The following SCD variants were observed in gnomAD, a reference collection of about 807,000 sequenced individuals.
The protein encoded by SCD is stearoyl-CoA desaturase, also known as acyl-CoA desaturase.
A neutral mutation model predicts 35.7 loss-of-function variants in SCD; 4 were observed. The observed-to-expected ratio is 0.11, with a 90% CI of 0.06 to 0.26. The LOEUF (loss-of-function observed/expected upper bound fraction) is 0.26. Among genes scored for constraint, SCD ranks in the 10% least tolerant of loss-of-function variants. The probability of loss-of-function intolerance (pLI) is 1.00; values close to 1 mark genes in which losing one functional copy is unlikely to be tolerated. For synonymous variants in SCD, 150 were observed against 170.2 expected (o/e 0.88, Z 0.92); for missense variants, 282 against 460.7 (o/e 0.61, Z 3.55).
intron 2 of SCD, among the ~76,000 whole-genome samples, chr10:100,349,023 GAT>G (rs1396534576): frequency 1.3e-5 from 2 of 152,198 alleles, no homozygotes; most frequent in Non-Finnish European, 2.9e-5. Context: ...TCAGGCTGAA[GAT>G]ATGTTTCATG....
At chr10:100,353,600 A>G (rs1054111788) in intron 3 of SCD, among the ~76,000 whole-genome samples, 7 of 145,496 alleles carry the variant, frequency 4.8e-5, no homozygotes, top group African/African-American at 1.8e-4. Context: ...AAAAAAAAAA[A>G]GTTTATAGCA....
Position 100,348,538 on chromosome 10 carries a change from A to G in SCD, c.310+192A>G, listed in dbSNP as rs148713157. ...GGGGTACTGAGATGCAGGACTGTCA[A>G]TGCTGGGGGTTGAGAGCTTTGGAAC... On this transcript the variant is annotated intron_variant, in intron 2 of 5. Transcript: ENST00000370355. Among the ~76,000 whole-genome samples, 471 of 152,126 alleles carry G rather than the reference A, an allele frequency of 3.1e-3. 2 individuals are homozygous for G. Among genetic ancestry groups the G allele is most frequent in the African/African-American group, 0.01 (431 of 41,492 alleles).
At chr10:100,358,220 C>T (rs548865669) in intron 5 of SCD, among the ~76,000 whole-genome samples, 5 of 152,176 alleles carry the variant, frequency 3.3e-5, no homozygotes, top group Non-Finnish European at 7.4e-5. Context: ...AGGCTGGTCT[C>T]GAACTCCTGA....
At chr10:100,353,877 A>G (rs1488455707) in intron 3 of SCD, among the ~76,000 whole-genome samples, 2 of 152,314 alleles carry the variant, frequency 1.3e-5, no homozygotes, top group East Asian at 3.9e-4. Context: ...GGGATGGAAA[A>G]AGTCATGAAG....
chr10:100,360,083 C>T (rs1207686918), intron 5 of SCD, among the ~76,000 whole-genome samples: 1 of 152,178 alleles, frequency 6.6e-6, no homozygotes, highest in African/African-American at 2.4e-5. Context: ...TGGCTGAGGA[C>T]ATTCCAGCCC....
intron 5 of SCD, 132 bp from the exon 6 acceptor site, chr10:100,360,602 A>G (rs760466087): frequency 4.4e-4 from 310 of 712,524 alleles, no homozygotes; most frequent in Middle Eastern, 1.5e-3. Flanking sequence ...TCATATTAAA[A>G]GAGACTGAAT....
chr10:100,360,402 C>A (rs1296287307), intron 5 of SCD, among the ~76,000 whole-genome samples: 1 of 152,152 alleles, frequency 6.6e-6, no homozygotes, highest in African/African-American at 2.4e-5. Flanking sequence ...CCCAGACAGC[C>A]ACGGGTGACC....
In SCD at chr10:100,352,620, A is replaced by T; in HGVS notation, c.441+124A>T. ...GCCATTTCACTTTCCTCTCTCCTGT[A>T]GTCACCTCAAGTTCCAGTTCAGTCC... On this transcript the variant is annotated intron_variant, in intron 3 of 5. Coordinates refer to ENST00000370355, the MANE Select transcript of SCD (RefSeq NM_005063.5). The surrounding 1 kb of genome is among the most constrained non-coding windows in gnomAD (Gnocchi z 4.2). 1 of 874,722 alleles carries T rather than the reference A, an allele frequency of 1.1e-6. No homozygotes were observed. Among genetic ancestry groups the T allele is most frequent in the East Asian group, 2.5e-5 (1 of 40,520 alleles). The allele number at this position is 874,722 out of a possible 1,614,324, so 54.2% of individuals were successfully genotyped here.
chr10:100,359,671 G>A (rs1849969467), intron 5 of SCD, among the ~76,000 whole-genome samples: 1 of 152,148 alleles, frequency 6.6e-6, no homozygotes, highest in Non-Finnish European at 1.5e-5. Flanking sequence ...TACTTTGCAG[G>A]ACTTCCTTGC....
At chr10:100,358,551 C>T (rs1175015708) in intron 5 of SCD, among the ~76,000 whole-genome samples, 3 of 147,042 alleles carry the variant, frequency 2.0e-5, no homozygotes, top group Non-Finnish European at 4.5e-5. Context: ...GAGATTCCGC[C>T]ACTGCAGTCC....
intron 1 of SCD, 137 bp from the exon 2 acceptor site, chr10:100,347,927 C>A: frequency 2.3e-6 from 2 of 873,884 alleles, no homozygotes; most frequent in Non-Finnish European, 3.6e-6. Context: ...CTCGGATACA[C>A]CCTACCCTCA....
At position 100,356,398 on chromosome 10, in the gene SCD, A is replaced by G. The variant is rs556561013; in HGVS notation, c.648-134A>G. On this transcript the variant is annotated intron_variant, in intron 4 of 5. Coordinates refer to ENST00000370355, the MANE Select transcript of SCD (RefSeq NM_005063.5). This position sits in a 1 kb window ranked among gnomAD's most constrained non-coding sequence, Gnocchi z 4.1. ...CAAAAAAAACAAACAAAAATAAATA[A>G]AACAATGAACTTAGAGTCAGACAAG... The G allele has an allele frequency of 1.0e-3, 733 of 708,916 alleles. 1 individual carries two copies. The highest frequency in any genetic ancestry group is 1.5e-3 in the Non-Finnish European group (635 of 412,368). 43.9% of individuals were successfully genotyped at this position (708,916 alleles called of 1,614,324 possible).
Position 100,360,830 on chromosome 10 carries a change from G to T in SCD, c.977G>T (p.Cys326Phe), listed in dbSNP as rs139789054. 52 of 1,613,824 alleles carry T rather than the reference G, an allele frequency of 3.2e-5. No homozygotes were observed. In the African/African-American group the frequency reaches 6.3e-4, roughly 19 times the overall value. ...HINFTTFFID[C>F]MAALGLAYDR... Reference sequence around the variant, plus strand: ...AACTTCACCACATTCTTCATTGATTGCATGGCCGCCCTCGGTCTGGCCTAT... The same window carrying T: ...AACTTCACCACATTCTTCATTGATTTCATGGCCGCCCTCGGTCTGGCCTAT... The change falls in exon 6 of 6, where the codon TGC becomes TTC. Residue 326 changes from cysteine (C) to phenylalanine (F), a missense_variant. By Grantham distance (205) the Cys-to-Phe change is radical. Transcript: ENST00000370355.
intron 5 of SCD, among the ~76,000 whole-genome samples, chr10:100,357,850 CTCT>C (rs372156911): frequency 9.2e-5 from 14 of 152,230 alleles, no homozygotes; most frequent in African/African-American, 3.4e-4. Flanking sequence ...ATCTGGCGAC[CTCT>C]TCTTTCCAGT....
In SCD at chr10:100,352,278, T is replaced by C. The variant is rs1405344798; in HGVS notation, c.311-88T>C. The C allele has an allele frequency of 1.2e-5, 16 of 1,387,968 alleles. No homozygotes were observed. Among genetic ancestry groups the C allele is most frequent in the Non-Finnish European group, 1.6e-5 (16 of 1,004,646 alleles). The allele number at this position is 1,387,968 out of a possible 1,614,324, so 86.0% of individuals were successfully genotyped here. On this transcript the variant is annotated intron_variant, in intron 2 of 5. Coordinates refer to ENST00000370355, the MANE Select transcript of SCD (RefSeq NM_005063.5). The surrounding 1 kb of genome is among the most constrained non-coding windows in gnomAD (Gnocchi z 4.2). ...CTCACCCAAAGCCTGACGAAGACAG[T>C]TTCTAGCATCCAGAGAGTGTCTCTG...
In SCD at chr10:100,363,567, G is replaced by A. The variant is rs200413586; in HGVS notation, c.*2634G>A. 1 of 152,228 alleles carries A rather than the reference G, an allele frequency of 6.6e-6. No homozygotes were observed. The highest frequency in any genetic ancestry group is 1.5e-5 in the Non-Finnish European group (1 of 68,050). 9.4% of individuals were successfully genotyped at this position (152,228 alleles called of 1,614,324 possible). A position where few individuals can be genotyped will look rare whatever the true frequency, so the allele number is the denominator to read the frequency against. On this transcript the variant is annotated 3_prime_UTR_variant, in exon 6 of 6. Coordinates refer to ENST00000370355, the MANE Select transcript of SCD (RefSeq NM_005063.5). ...TTTCTAATTCCACAGGTCATCAGAT[G>A]CCTGCTTGATAATATATAAACAATA... is the stretch of plus-strand genomic sequence containing the variant.
Position 100,350,130 on chromosome 10 carries a change from G to A in SCD, c.310+1784G>A, listed in dbSNP as rs186118998. On this transcript the variant is annotated intron_variant, in intron 2 of 5. Transcript: ENST00000370355. The stretch of plus-strand genomic sequence containing the variant: ...GCTGTGCCCTTGGGCAGATAAATGT[G>A]GCTCACAGAGACTAGATGGTAACTT... 5.1e-4 allele frequency among the ~76,000 whole-genome samples: 78 copies of A among 152,176 alleles called. No homozygotes were observed. In the East Asian group the frequency reaches 0.014, roughly 28 times the overall value.
chr10:100,351,367 G>C (rs1427211689), intron 2 of SCD, among the ~76,000 whole-genome samples: 1 of 152,098 alleles, frequency 6.6e-6, no homozygotes, highest in Non-Finnish European at 1.5e-5. Context: ...AGTATGGGCT[G>C]ACAGGGATGT....
chr10:100,359,766 C>T (rs1849970827), intron 5 of SCD, among the ~76,000 whole-genome samples: 1 of 152,148 alleles, frequency 6.6e-6, no homozygotes, highest in Non-Finnish European at 1.5e-5. Context: ...AGTAGCTATT[C>T]TTTATCCATG....
Sources: gnomAD v4.1 joint callset for allele counts (sites outside exome capture counted in the v4.1 genomes callset) on GRCh38, gnomAD v4.1.1 for gene constraint, Gnocchi (gnomAD v3.1) non-coding constraint, MANE v1.5 for transcripts, NCBI Gene and HGNC (gene_info 2026-07-23, HGNC 2026-07-21) for gene names.